DNAH11: variants seen among roughly 807,000 people sequenced by gnomAD.
DNAH11 encodes the protein axonemal beta dynein heavy chain 11.
A neutral mutation model predicts 526.0 loss-of-function variants in DNAH11; 442 were observed. The observed-to-expected ratio is 0.84, with a 90% CI of 0.78 to 0.91. The LOEUF (loss-of-function observed/expected upper bound fraction) is 0.91. Among genes scored for constraint, DNAH11 ranks in the 40% least tolerant of loss-of-function variants. DNAH11 has a pLI of 0.00. For synonymous variants in DNAH11, 2,461 were observed against 1,935.9 expected, an observed-to-expected ratio of 1.27 and a Z score of -7.12; for missense variants, 6,989 against 5,448.7, an observed-to-expected ratio of 1.28 and a Z score of -8.90.
intron 55 of DNAH11, 58 bp from the exon 56 acceptor site, chr7:21,773,708 T>TG: frequency 8.2e-7 from 1 of 1,223,710 alleles, no homozygotes; most frequent in Non-Finnish European, 1.1e-6. Context: ...TGATTTTTTT[T>TG]AAGTTGTATT....
chr7:21,898,362 A>G (rs920483532), intron 79 of DNAH11, among the ~76,000 whole-genome samples: 3 of 152,186 alleles, frequency 2.0e-5, no homozygotes, highest in Admixed American at 2.0e-4. Context: ...GACCGTGAGC[A>G]TTCTGAGCCT....
At chr7:21,618,854 G>A (rs1785905214) in intron 23 of DNAH11, among the ~76,000 whole-genome samples, 1 of 152,182 alleles carries the variant, frequency 6.6e-6, no homozygotes, top group Non-Finnish European at 1.5e-5. Flanking sequence ...AGGGAAAGAT[G>A]TGAAACAAAG....
At position 21,807,887 on chromosome 7, in the gene DNAH11, G is replaced by A. The variant is rs557006156; in HGVS notation, c.10170G>A (p.Lys3390=). 4.4e-6 allele frequency: 7 copies of A among 1,592,560 alleles called. No individual in the cohort carries two copies. In the South Asian group the frequency reaches 7.8e-5, roughly 18 times the overall value. The change falls in exon 63 of 82, where the codon AAG becomes AAA. Residue 3390 remains lysine (K), a synonymous_variant. Coordinates refer to ENST00000409508, the MANE Select transcript of DNAH11 (RefSeq NM_001277115.2). ...GTAATTTCATCTTTCAGTCAGAGAA[G>A]ATTCGCTGGGGTCAATCCATTAAGT... ...NRLVKELEAK[K]IRWGQSIKSF... is the part of the protein sequence containing the mutation.
rs1787550847 is a variant in DNAH11 at position 21,773,961 on chromosome 7, G to A, written c.9298G>A (p.Val3100Met). 6.3e-7 allele frequency: 1 copy of A among 1,579,030 alleles called. No homozygotes were observed. The highest frequency in any genetic ancestry group is 1.4e-5 in the African/African-American group (1 of 73,820). The change falls in exon 56 of 82, where the codon GTG becomes ATG. Residue 3100 changes from valine to methionine, a missense_variant. By Grantham distance (21) the Val-to-Met change is conservative. Transcript: ENST00000409508. Reference sequence around the variant, plus strand: ...GGTATCCGAGAAAAAAGAACGCCTGGTGAACGGCATCCAAAAGCTAAAAAC... The same window carrying A: ...GGTATCCGAGAAAAAAGAACGCCTGATGAACGGCATCCAAAAGCTAAAAAC... ...NEVSEKKERL[V>M]NGIQKLKTTA... is the part of the protein sequence containing the mutation.
At chr7:21,843,611 G>C (rs1345653260) in intron 66 of DNAH11, among the ~76,000 whole-genome samples, 1 of 151,794 alleles carries the variant, frequency 6.6e-6, no homozygotes, top group Non-Finnish European at 1.5e-5. Flanking sequence ...TTCCCGAGTA[G>C]CTGGGACTAC....
chr7:21,878,089 G>T (rs1267273566), intron 74 of DNAH11, among the ~76,000 whole-genome samples: 1 of 152,150 alleles, frequency 6.6e-6, no homozygotes, highest in Non-Finnish European at 1.5e-5. Context: ...GTATGCAGAT[G>T]CCTGTTCTTT....
chr7:21,559,142 A>G (rs757562664), intron 3 of DNAH11, 144 bp downstream of exon 3: 14 of 619,752 alleles, frequency 2.3e-5, no homozygotes, highest in Non-Finnish European at 3.2e-5. Flanking sequence ...TGGGCAGCAT[A>G]GTGAGATCTC....
intron 57 of DNAH11, among the ~76,000 whole-genome samples, chr7:21,783,803 T>C (rs567773400): frequency 5.9e-5 from 9 of 152,284 alleles, no homozygotes; most frequent in African/African-American, 1.7e-4. Flanking sequence ...GTGTTATTGT[T>C]CCAATACCGA....
intron 8 of DNAH11, among the ~76,000 whole-genome samples, chr7:21,579,215 G>A (rs942811624): frequency 2.6e-5 from 4 of 152,174 alleles, no homozygotes; most frequent in Non-Finnish European, 5.9e-5. Context: ...CAATTATGCA[G>A]TTTTCAGAAT....
At chr7:21,633,350 A>C (rs1012429879) in intron 25 of DNAH11, among the ~76,000 whole-genome samples, 2 of 152,166 alleles carry the variant, frequency 1.3e-5, no homozygotes, top group African/African-American at 4.8e-5. Flanking sequence ...GTTCAAGTCC[A>C]CTGTTTCTCT....
chr7:21,837,800 T>C lies in DNAH11; in HGVS notation c.10692-4744T>C, dbSNP rs189451261. Among the ~76,000 whole-genome samples, 110 of 152,278 alleles carry C rather than the reference T, an allele frequency of 7.2e-4. 1 individual carries two copies. Among genetic ancestry groups the C allele is most frequent in the Middle Eastern group, 6.8e-3 (2 of 294 alleles). On this transcript the variant is annotated intron_variant, in intron 65 of 81. Transcript: ENST00000409508. ...AGGGTGACTATAGTAAACAATATTA[T>C]AGTGTATATTTCAACATAACTAGAA...
At chr7:21,669,109 C>T (rs73273520) in intron 30 of DNAH11, among the ~76,000 whole-genome samples, 8,512 of 152,198 alleles carry the variant, frequency 0.056, 617 homozygotes, top group Admixed American at 0.22. Flanking sequence ...AATTAGCATT[C>T]GTACATCCTC....
chr7:21,662,273 T>G (rs1308486061), intron 30 of DNAH11, among the ~76,000 whole-genome samples: 1 of 152,180 alleles, frequency 6.6e-6, no homozygotes, highest in Non-Finnish European at 1.5e-5. Flanking sequence ...AGAAAAATTT[T>G]CTAACATGCA....
At chr7:21,638,315 C>T (rs1245061255) in intron 27 of DNAH11, among the ~76,000 whole-genome samples, 1 of 151,948 alleles carries the variant, frequency 6.6e-6, no homozygotes, top group African/African-American at 2.4e-5. Flanking sequence ...ATAAACAGAG[C>T]AGTTTTATAG....
intron 25 of DNAH11, among the ~76,000 whole-genome samples, chr7:21,632,204 G>T (rs1786648502): frequency 6.6e-6 from 1 of 152,204 alleles, no homozygotes; most frequent in Non-Finnish European, 1.5e-5. Flanking sequence ...ACACAGCACA[G>T]GAACCCTGGG....
intron 18 of DNAH11, among the ~76,000 whole-genome samples, chr7:21,603,270 G>A (rs1349471483): frequency 1.3e-5 from 2 of 152,156 alleles, no homozygotes; most frequent in Non-Finnish European, 2.9e-5. Context: ...ACATTCCATT[G>A]TATGTCCGTC....
intron 62 of DNAH11, among the ~76,000 whole-genome samples, chr7:21,805,963 A>G (rs1462104080): frequency 6.6e-6 from 1 of 152,190 alleles, no homozygotes; most frequent in Non-Finnish European, 1.5e-5. Flanking sequence ...AAATCAGGCA[A>G]TTTATATTTA....
chr7:21,763,314 C>T (rs1271655914), intron 54 of DNAH11, among the ~76,000 whole-genome samples: 4 of 124,764 alleles, frequency 3.2e-5, no homozygotes, highest in Non-Finnish European at 4.8e-5. Flanking sequence ...TGCACTCCAG[C>T]CTGGGCAACA....
intron 72 of DNAH11, 56 bp from the exon 73 acceptor site, chr7:21,868,808 C>T: frequency 3.8e-6 from 6 of 1,599,790 alleles, no homozygotes; most frequent in East Asian, 2.2e-5. Context: ...GAATTCCAGG[C>T]TCCTCTCACC....
Sources: gnomAD v4.1 joint callset for allele counts (sites outside exome capture counted in the v4.1 genomes callset) on GRCh38, gnomAD v4.1.1 for gene constraint, MANE v1.5 for transcripts, NCBI Gene and HGNC (gene_info 2026-07-23, HGNC 2026-07-21) for gene names.